IRAG2: variants seen among roughly 807,000 people sequenced by gnomAD.
The protein encoded by IRAG2 is inositol 1,4,5-triphosphate receptor associated 2.
In IRAG2, 45 loss-of-function variants were observed where a neutral mutation model predicts 69.9. That is an observed-to-expected ratio of 0.64 (90% confidence interval 0.51 to 0.83). The LOEUF (loss-of-function observed/expected upper bound fraction) is 0.83. Ranked by LOEUF, IRAG2 falls within the 40% of genes least tolerant of loss-of-function variation. IRAG2 has a pLI of 0.00. For synonymous variants in IRAG2, 193 were observed against 202.4 expected (o/e 0.95, Z 0.40); for missense variants, 520 against 587.0 (o/e 0.89, Z 1.18).
At chr12:25,105,655 T>A (rs924394245) in intron 20 of IRAG2, among the ~76,000 whole-genome samples, 3 of 152,124 alleles carry the variant, frequency 2.0e-5, no homozygotes, top group Non-Finnish European at 2.9e-5. Flanking sequence ...AAAAATCAGT[T>A]CAAGAGTCTC....
At chr12:25,027,638 C>CCCA (rs1944634453) in intron 9 of IRAG2, among the ~76,000 whole-genome samples, 1 of 152,116 alleles carries the variant, frequency 6.6e-6, no homozygotes, top group East Asian at 1.9e-4. Context: ...TTGTGATCTG[C>CCCA]CCACCTCGGC....
At position 25,079,384 on chromosome 12, in the gene IRAG2, T is replaced by A; in HGVS notation, c.72-14T>A. On this transcript the variant is annotated splice_polypyrimidine_tract_variant and intron_variant, in intron 7 of 21. Coordinates refer to ENST00000556887, the MANE Select transcript of IRAG2 (RefSeq NM_001366544.2). Reference sequence around the variant, plus strand: ...ACCTGACATTCCAAAACATGTTTGCTATCTTTTTGGCAGGGAATATTCCTC... The same window carrying A: ...ACCTGACATTCCAAAACATGTTTGCAATCTTTTTGGCAGGGAATATTCCTC... The A allele has an allele frequency of 6.2e-7, 1 of 1,612,424 alleles. No individual in the cohort carries two copies. Among genetic ancestry groups the A allele is most frequent in the Non-Finnish European group, 8.5e-7 (1 of 1,178,414 alleles).
chr12:25,030,073 G>A (rs896430760), intron 9 of IRAG2, among the ~76,000 whole-genome samples: 2 of 152,130 alleles, frequency 1.3e-5, no homozygotes, highest in Non-Finnish European at 2.9e-5. Flanking sequence ...GTGAGTCTCT[G>A]GGTAGTGTGG....
At chr12:25,011,619 C>A in intron 3 of IRAG2, 2 of 994,356 alleles carry the variant, frequency 2.0e-6, no homozygotes, top group South Asian at 5.3e-5. Context: ...TTATGCTAAT[C>A]ACTGTTTCCT....
upstream of IRAG2, among the ~76,000 whole-genome samples, chr12:25,004,046 G>A (rs1310554763): frequency 6.6e-6 from 1 of 152,138 alleles, no homozygotes; most frequent in African/African-American, 2.4e-5. Context: ...ATCTCAAAGA[G>A]TTGTTTTAAG....
chr12:25,071,287 A>G (rs1027091004), intron 6 of IRAG2, among the ~76,000 whole-genome samples: 3 of 152,140 alleles, frequency 2.0e-5, no homozygotes, highest in Non-Finnish European at 4.4e-5. Context: ...CAGAGGTTGC[A>G]GTGAGCCGAG....
At position 25,104,458 on chromosome 12, in the gene IRAG2, C is replaced by T; in HGVS notation, c.1144C>T (p.Leu382=). 3 of 1,588,224 alleles carry T rather than the reference C, an allele frequency of 1.9e-6. No individual in the cohort carries two copies. The highest frequency in any genetic ancestry group is 2.6e-6 in the Non-Finnish European group (3 of 1,156,538). The change falls in exon 20 of 22, where the codon CTA becomes TTA. Residue 382 remains leucine (L), a synonymous_variant. Coordinates refer to ENST00000556887, the MANE Select transcript of IRAG2 (RefSeq NM_001366544.2). The part of the protein sequence containing the change: ...WADAEEEKCE[L]KTKDDSEPSG... Reference sequence around the variant, plus strand: ...AGATGCTGAAGAAGAAAAATGTGAACTAAAGTAGGTGAAGCTCAGTGTGTT... The same window carrying T: ...AGATGCTGAAGAAGAAAAATGTGAATTAAAGTAGGTGAAGCTCAGTGTGTT...
Position 25,052,821 on chromosome 12 carries a change from A to G in IRAG2, c.-582A>G. Reference sequence around the variant, plus strand: ...TAAGGATCGAGATCGAGAAGCCCACACTGCCAGTGAAAAAGCTACGTCTTT... The same window carrying G: ...TAAGGATCGAGATCGAGAAGCCCACGCTGCCAGTGAAAAAGCTACGTCTTT... On this transcript the variant is annotated 5_prime_UTR_variant, in exon 1 of 22. Transcript: ENST00000556887. The G allele has an allele frequency of 2.5e-6, 1 of 398,684 alleles. No individual in the cohort carries two copies. The allele number at this position is 398,684 out of a possible 1,614,324, so 24.7% of individuals were successfully genotyped here. A position where few individuals can be genotyped will look rare whatever the true frequency, so the allele number is the denominator to read the frequency against.
At chr12:25,071,852 T>C (rs537791638) in intron 6 of IRAG2, among the ~76,000 whole-genome samples, 11 of 152,106 alleles carry the variant, frequency 7.2e-5, no homozygotes, top group African/African-American at 2.2e-4. Flanking sequence ...GACCTCCATA[T>C]TGACTCTTAT....
intron 9 of IRAG2, among the ~76,000 whole-genome samples, chr12:25,027,304 A>G (rs10771156): frequency 0.29 from 44,751 of 151,874 alleles, 6,909 homozygotes; most frequent in Middle Eastern, 0.36. Context: ...TAAATCATAT[A>G]ATATGTTGCC....
At chr12:25,063,904 A>G (rs1003595969) in intron 4 of IRAG2, 88 bp downstream of exon 4, 6 of 398,200 alleles carry the variant, frequency 1.5e-5, no homozygotes, top group African/African-American at 1.2e-4. Flanking sequence ...TTACATTTGT[A>G]TAGGAAGAAT....
chr12:25,014,154 C>T (rs1266357790), intron 3 of IRAG2, among the ~76,000 whole-genome samples: 4 of 151,762 alleles, frequency 2.6e-5, no homozygotes, highest in Non-Finnish European at 5.9e-5. Flanking sequence ...GGATTACAGG[C>T]GTGAGCCACC....
At chr12:25,078,323 G>A (rs1322574855) in intron 6 of IRAG2, among the ~76,000 whole-genome samples, 1 of 152,142 alleles carries the variant, frequency 6.6e-6, no homozygotes, top group Non-Finnish European at 1.5e-5. Flanking sequence ...CTGTGACTAT[G>A]GGAGATACTT....
intron 14 of IRAG2, among the ~76,000 whole-genome samples, chr12:25,094,960 A>G (rs1473434272): frequency 6.6e-6 from 1 of 152,136 alleles, no homozygotes; most frequent in Non-Finnish European, 1.5e-5. Context: ...TAGTTCTAAC[A>G]GGTTTTTTTG....
At chr12:25,008,690 G>C (rs1489436117) in intron 2 of IRAG2, among the ~76,000 whole-genome samples, 1 of 152,212 alleles carries the variant, frequency 6.6e-6, no homozygotes, top group East Asian at 1.9e-4. Flanking sequence ...AGTAAGCTGA[G>C]ATGGTGCCAC....
At chr12:25,099,273 C>G (rs1948607591) in intron 15 of IRAG2, among the ~76,000 whole-genome samples, 1 of 152,158 alleles carries the variant, frequency 6.6e-6, no homozygotes, top group Non-Finnish European at 1.5e-5. Context: ...CATGGTCCCC[C>G]CACCAAACCT....
At chr12:25,079,186 T>A (rs6487450) in intron 6 of IRAG2, 58 bp from the exon 7 acceptor site, 144,943 of 1,564,634 alleles carry the variant, frequency 0.093, 7,606 homozygotes, top group South Asian at 0.15. Flanking sequence ...TAAAACAACC[T>A]CTTTGGAATG....
intron 16 of IRAG2, among the ~76,000 whole-genome samples, chr12:25,046,100 G>A (rs1225024583): frequency 2.0e-5 from 3 of 152,068 alleles, no homozygotes; most frequent in African/African-American, 7.2e-5. Context: ...CACATTAACA[G>A]AATGGAGCAT....
chr12:25,101,502 C>T (rs922004230), intron 16 of IRAG2, among the ~76,000 whole-genome samples, 177 bp downstream of exon 16: 23 of 152,132 alleles, frequency 1.5e-4, no homozygotes, highest in Admixed American at 8.5e-4. Context: ...CAGGTTGGGA[C>T]ACATGAAGGA....
Sources: allele counts gnomAD v4.1 joint callset (sites outside exome capture counted in the v4.1 genomes callset), GRCh38; gene constraint gnomAD v4.1.1; transcripts MANE v1.5; gene names NCBI Gene and HGNC (gene_info 2026-07-23, HGNC 2026-07-21).